ITPR2: variants seen among roughly 807,000 people sequenced by gnomAD.
The protein encoded by ITPR2 is inositol 1,4,5-trisphosphate-gated calcium channel ITPR2.
A neutral mutation model predicts 317.1 loss-of-function variants in ITPR2; 207 were observed. The observed-to-expected ratio is 0.65, with a 90% confidence interval of 0.58 to 0.73. The LOEUF (loss-of-function observed/expected upper bound fraction) is 0.73, where lower values mean the gene tolerates loss of function less well. Ranked by LOEUF, ITPR2 falls within the 30% of genes least tolerant of loss-of-function variation. ITPR2 has a pLI of 0.00. For synonymous variants in ITPR2, 1,156 were observed against 1,149.1 expected (o/e 1.01, Z -0.12); for missense variants, 2,613 against 3,284.0 (o/e 0.80, Z 4.99).
rs114014948 is a variant in ITPR2 at position 26,566,375 on chromosome 12, G to A, written c.4631-4423C>T. ...GAAGAGGAAAGAGAAGGAGAGGAGA[G>A]GAGAGGCAGAGGGAGAGGAGAAGGA... On this transcript the variant is annotated intron_variant, in intron 34 of 56. Transcript: ENST00000381340. Among the ~76,000 whole-genome samples, 1,374 of 141,376 alleles carry A rather than the reference G, an allele frequency of 9.7e-3. 22 individuals are homozygous for A. The highest frequency in any genetic ancestry group is 0.034 in the African/African-American group (1,288 of 37,558). The allele number at this position is 141,376 out of a possible 152,430, so 92.7% of individuals were successfully genotyped here.
chr12:26,501,544 T>G (rs1208721412), intron 37 of ITPR2, among the ~76,000 whole-genome samples: 2 of 152,142 alleles, frequency 1.3e-5, no homozygotes, highest in Non-Finnish European at 2.9e-5. Flanking sequence ...AAACACAAAT[T>G]TCAACAGGAC....
intron 21 of ITPR2, among the ~76,000 whole-genome samples, chr12:26,653,241 C>CTTTTTTTTTTT (rs774729786): frequency 9.7e-6 from 1 of 103,578 alleles, no homozygotes; most frequent in Non-Finnish European, 1.9e-5. Context: ...TTGAATCTTT[C>CTTTTTTTTTTT]TTTTTTTTTT....
At chr12:26,356,428 C>A (rs771544007) in intron 55 of ITPR2, among the ~76,000 whole-genome samples, 1 of 152,108 alleles carries the variant, frequency 6.6e-6, no homozygotes, top group Non-Finnish European at 1.5e-5. Context: ...CAAGTGAGAC[C>A]GAAAGAATAC....
intron 45 of ITPR2, among the ~76,000 whole-genome samples, chr12:26,463,587 C>T (rs917778983): frequency 1.3e-5 from 2 of 152,036 alleles, no homozygotes; most frequent in South Asian, 4.1e-4. Flanking sequence ...ATTGCTTGAA[C>T]CAGGGAGGCA....
intron 2 of ITPR2, 131 bp downstream of exon 2, chr12:26,790,022 TGAAA>T: frequency 1.5e-6 from 1 of 682,626 alleles, no homozygotes; most frequent in South Asian, 1.7e-5. Flanking sequence ...GAAAAATTGT[TGAAA>T]GAATTTTCAG....
intron 37 of ITPR2, among the ~76,000 whole-genome samples, chr12:26,547,802 T>C (rs1944425663): frequency 6.6e-6 from 1 of 152,264 alleles, no homozygotes; most frequent in African/African-American, 2.4e-5. Flanking sequence ...TAGAAGTTTA[T>C]CTGAATCTTT....
intron 32 of ITPR2, among the ~76,000 whole-genome samples, chr12:26,592,941 C>T (rs533614074): frequency 6.6e-6 from 1 of 152,146 alleles, no homozygotes; most frequent in Non-Finnish European, 1.5e-5. Context: ...CTAATATGTG[C>T]TAAGAATTTT....
intron 9 of ITPR2, among the ~76,000 whole-genome samples, chr12:26,710,535 A>T (rs751294036): frequency 6.6e-6 from 1 of 152,236 alleles, no homozygotes; most frequent in Non-Finnish European, 1.5e-5. Flanking sequence ...GGAAAAGACT[A>T]GCTTCAAAAT....
At position 26,602,715 on chromosome 12, in the gene ITPR2, A is replaced by G. The variant is rs1220100571; in HGVS notation, c.3463-9T>C. On this transcript the variant is annotated splice_polypyrimidine_tract_variant and intron_variant, in intron 26 of 56. Transcript: ENST00000381340. Reference sequence around the variant, plus strand: ...CTTAAAATGTTTGATTCCTAAAAGGAACACAAATATGTACTTTTATGCCAT... The same window carrying G: ...CTTAAAATGTTTGATTCCTAAAAGGGACACAAATATGTACTTTTATGCCAT... The G allele has an allele frequency of 6.5e-7, 1 of 1,542,608 alleles. No homozygotes were observed.
At chr12:26,476,885 T>A (rs1942429045) in intron 44 of ITPR2, 27 bp downstream of exon 44, 21 of 1,527,018 alleles carry the variant, frequency 1.4e-5, no homozygotes, top group Non-Finnish European at 1.8e-5. Context: ...TACCCAATAT[T>A]GACCAAGCTT....
At chr12:26,641,878 AAAAG>A in intron 21 of ITPR2, among the ~76,000 whole-genome samples, 1 of 152,354 alleles carries the variant, frequency 6.6e-6, no homozygotes. Flanking sequence ...GTTGACAACT[AAAAG>A]AAAGTCCAAT....
rs190081143 is a variant in ITPR2, at chr12:26,596,963, A to G, written c.4174T>C (p.Tyr1392His). ...LAACTEGKNV[Y>H]TEIKCNSLLP... ...AGGGAATTACACTTGATTTCAGTGT[A>G]GACATTTTTCCCCTCTGTGCATGCT... The change falls in exon 31 of 57, where the codon TAC becomes CAC. Residue 1392 changes from tyrosine (Y) to histidine (H), a missense_variant. Tyr to His is a moderately conservative substitution (Grantham distance 83). This residue lies in a region of ITPR2 where 3 missense variants were observed against 16.3 expected (regional missense o/e 0.18). Coordinates refer to ENST00000381340, the MANE Select transcript of ITPR2 (RefSeq NM_002223.4). The G allele has an allele frequency of 6.2e-7, 1 of 1,612,328 alleles. No individual in the cohort carries two copies. Among genetic ancestry groups the G allele is most frequent in the Non-Finnish European group, 8.5e-7 (1 of 1,179,082 alleles).
At chr12:26,586,862 T>A (rs1945542887) in intron 32 of ITPR2, among the ~76,000 whole-genome samples, 1 of 152,196 alleles carries the variant, frequency 6.6e-6, no homozygotes, top group Non-Finnish European at 1.5e-5. Flanking sequence ...ATGTTTGTAT[T>A]GCCTAGGACT....
At chr12:26,424,422 T>G (rs548587321) in intron 49 of ITPR2, among the ~76,000 whole-genome samples, 1 of 152,238 alleles carries the variant, frequency 6.6e-6, no homozygotes, top group South Asian at 2.1e-4. Context: ...TCTTACACAA[T>G]GCAAACTTTT....
At chr12:26,637,341 G>A (rs1351645618) in intron 21 of ITPR2, among the ~76,000 whole-genome samples, 1 of 152,146 alleles carries the variant, frequency 6.6e-6, no homozygotes, top group Non-Finnish European at 1.5e-5. Flanking sequence ...GATGGTAGTA[G>A]TATAGCATGG....
intron 2 of ITPR2, among the ~76,000 whole-genome samples, chr12:26,746,191 A>AAC (rs71437307): frequency 0.21 from 31,489 of 150,184 alleles, 3,347 homozygotes; most frequent in Non-Finnish European, 0.23. Context: ...GTATTCCTAC[A>AAC]ACACACACAC....
chr12:26,716,357 T>C, intron 5 of ITPR2, 115 bp from the exon 6 acceptor site: 1 of 621,422 alleles, frequency 1.6e-6, no homozygotes, highest in Non-Finnish European at 2.8e-6. Flanking sequence ...CTGGTCCTTT[T>C]ATCCTTCACA....
intron 35 of ITPR2, among the ~76,000 whole-genome samples, chr12:26,560,295 C>CT (rs930644431): frequency 1.6e-4 from 24 of 151,610 alleles, no homozygotes; most frequent in African/African-American, 2.4e-4. Context: ...ATAGGGCGTT[C>CT]TTTTTTTTTC....
intron 2 of ITPR2, among the ~76,000 whole-genome samples, chr12:26,768,904 G>C (rs1037960390): frequency 7.3e-5 from 11 of 151,456 alleles, no homozygotes; most frequent in African/African-American, 2.7e-4. Context: ...TTCCAAGATA[G>C]GACACTCTCT....
Sources: allele counts gnomAD v4.1 joint callset (sites outside exome capture counted in the v4.1 genomes callset), GRCh38; gene constraint gnomAD v4.1.1; regional missense constraint gnomAD v4.1.1; transcripts MANE v1.5; gene names NCBI Gene and HGNC (gene_info 2026-07-23, HGNC 2026-07-21).